The following TUSC3 variants were observed in gnomAD, a reference collection of about 807,000 sequenced individuals.
TUSC3 encodes dolichyl-diphosphooligosaccharide--protein glycosyltransferase subunit TUSC3.
TUSC3 carries 45 observed loss-of-function variants against 44.8 expected under a neutral mutation model. The ratio of observed to expected loss-of-function variants is 1.00; its 90% CI spans 0.79 to 1.29. TUSC3 has a LOEUF of 1.29. TUSC3 is among the 50% of genes most tolerant of loss of function. The pLI, the probability that TUSC3 is intolerant of heterozygous loss-of-function variation, is 0.00. For synonymous variants in TUSC3, 212 were observed against 152.9 expected (o/e 1.39, Z -2.85); for missense variants, 519 against 437.9 (o/e 1.19, Z -1.65).
intron 1 of TUSC3, among the ~76,000 whole-genome samples, chr8:15,483,084 A>G (rs1242813064): frequency 6.6e-6 from 1 of 152,202 alleles, no homozygotes; most frequent in Admixed American, 6.5e-5. Flanking sequence ...ATTCATACAC[A>G]TTGAACAGGA....
intron 1 of TUSC3, among the ~76,000 whole-genome samples, chr8:15,582,593 C>G (rs1280136085): frequency 6.6e-6 from 1 of 152,126 alleles, no homozygotes; most frequent in Non-Finnish European, 1.5e-5. Flanking sequence ...GTTGATCATA[C>G]AAATTGGGTC....
chr8:15,446,568 A>C (rs1363162513), intron 1 of TUSC3, among the ~76,000 whole-genome samples: 3 of 151,742 alleles, frequency 2.0e-5, no homozygotes, highest in Non-Finnish European at 2.9e-5. Context: ...TCCACCAAAA[A>C]ATACAAAAAC....
intron 1 of TUSC3, among the ~76,000 whole-genome samples, chr8:15,449,190 A>G (rs893008783): frequency 1.3e-5 from 2 of 152,210 alleles, no homozygotes; most frequent in African/African-American, 4.8e-5. Context: ...TAGGACAGGG[A>G]TTTATGCTGA....
intron 1 of TUSC3, among the ~76,000 whole-genome samples, chr8:15,566,288 G>A (rs998128918): frequency 6.6e-6 from 1 of 152,114 alleles, no homozygotes; most frequent in East Asian, 1.9e-4. Context: ...CAGTTTTATT[G>A]TCAGTGTATG....
At chr8:15,567,612 T>C (rs1011486803) in intron 1 of TUSC3, among the ~76,000 whole-genome samples, 3 of 152,134 alleles carry the variant, frequency 2.0e-5, no homozygotes, top group Non-Finnish European at 4.4e-5. Context: ...GATGAAATCC[T>C]TTGTCATATG....
At chr8:15,811,261 T>C in the TUSC3 span, among the ~76,000 whole-genome samples, 3 of 152,160 alleles carry the variant, frequency 2.0e-5, no homozygotes, top group Non-Finnish European at 4.4e-5. Flanking sequence ...CTCTCTGTTG[T>C]CACATTCCAA....
chr8:15,668,495 GA>G lies in TUSC3; in HGVS notation c.709-5247del, dbSNP rs1457968978. 5.3e-5 allele frequency among the ~76,000 whole-genome samples: 8 copies of G among 151,868 alleles called. No individual in the cohort carries two copies. The East Asian group carries it at 1.5e-3, about 29-fold the overall frequency. On this transcript the variant is annotated intron_variant, in intron 5 of 10. Transcript: ENST00000503731. ...GTGGAGATACAAAGATAAGACAAGT[GA>G]AAAAGACTAGCACGTGAGCCCTGCC... is the stretch of plus-strand genomic sequence containing the variant.
At chr8:15,794,953 C>T in the TUSC3 span, among the ~76,000 whole-genome samples, 1 of 152,104 alleles carries the variant, frequency 6.6e-6, no homozygotes, top group South Asian at 2.1e-4. Flanking sequence ...GGTTATCTCC[C>T]AACATCTGCC....
At chr8:15,763,786 A>G (rs1336664521) in intron 10 of TUSC3, among the ~76,000 whole-genome samples, 1 of 152,056 alleles carries the variant, frequency 6.6e-6, no homozygotes, top group Non-Finnish European at 1.5e-5. Context: ...TAAATTAACA[A>G]AAGACCAAGT....
intron 7 of TUSC3, among the ~76,000 whole-genome samples, chr8:15,739,189 C>T (rs1449453372): frequency 6.6e-6 from 1 of 151,936 alleles, no homozygotes; most frequent in African/African-American, 2.4e-5. Flanking sequence ...GTTAACCTGT[C>T]ACAAAAATAT....
At chr8:15,554,117 C>T (rs755823290) in intron 1 of TUSC3, among the ~76,000 whole-genome samples, 1 of 150,436 alleles carries the variant, frequency 6.6e-6, no homozygotes, top group Non-Finnish European at 1.5e-5. Context: ...AAGGGACAAA[C>T]GAGCTCCCTT....
intron 4 of TUSC3, among the ~76,000 whole-genome samples, chr8:15,661,420 TTTTTAAATAGAG>T (rs1468895242): frequency 6.6e-6 from 1 of 152,024 alleles, no homozygotes; most frequent in Non-Finnish European, 1.5e-5. Flanking sequence ...CCTTTGCTAC[TTTTTAAATAGAG>T]TGATCCTCAT....
intron 1 of TUSC3, among the ~76,000 whole-genome samples, chr8:15,431,105 A>C (rs567135265): frequency 6.6e-6 from 1 of 151,788 alleles, no homozygotes; most frequent in East Asian, 1.9e-4. Flanking sequence ...ATATTTTTGA[A>C]ATCAGGATGT....
At chr8:15,724,705 G>C (rs1193960484) in intron 6 of TUSC3, among the ~76,000 whole-genome samples, 1 of 152,124 alleles carries the variant, frequency 6.6e-6, no homozygotes, top group Non-Finnish European at 1.5e-5. Context: ...GGCAGGTAGT[G>C]AATAAAGGAC....
intron 7 of TUSC3, among the ~76,000 whole-genome samples, chr8:15,742,067 C>A (rs1054640387): frequency 6.6e-6 from 1 of 152,198 alleles, no homozygotes; most frequent in Non-Finnish European, 1.5e-5. Flanking sequence ...AGTCTACAGA[C>A]TACCATACTG....
At chr8:15,689,859 T>TGC (rs1241715417) in intron 6 of TUSC3, among the ~76,000 whole-genome samples, 59 of 51,744 alleles carry the variant, frequency 1.1e-3, no homozygotes, top group Non-Finnish European at 2.2e-3. Context: ...TGTGTGTGTG[T>TGC]GTGTATAAAT....
At chr8:15,517,996 C>A (rs1801244660) in intron 2 of TUSC3, among the ~76,000 whole-genome samples, 1 of 151,916 alleles carries the variant, frequency 6.6e-6, no homozygotes, top group Non-Finnish European at 1.5e-5. Context: ...AAAAAAACCC[C>A]CATACACATT....
chr8:15,651,022 C>G (rs1316666689), intron 3 of TUSC3: 1 of 431,888 alleles, frequency 2.3e-6, no homozygotes, highest in Non-Finnish European at 4.2e-6. Flanking sequence ...CACACACACA[C>G]AAATACAATT....
intron 1 of TUSC3, among the ~76,000 whole-genome samples, chr8:15,475,910 A>T (rs898926989): frequency 6.6e-6 from 1 of 152,168 alleles, no homozygotes; most frequent in Admixed American, 6.6e-5. Flanking sequence ...AGATTGTTCC[A>T]ACAAGAATAA....
Sources: allele counts gnomAD v4.1 joint callset (sites outside exome capture counted in the v4.1 genomes callset), GRCh38; gene constraint gnomAD v4.1.1; transcripts MANE v1.5; gene names NCBI Gene and HGNC (gene_info 2026-07-23, HGNC 2026-07-21).